FGF14: variants seen among roughly 807,000 people sequenced by gnomAD.
The protein encoded by FGF14 is fibroblast growth factor 14.
FGF14 carries 5 observed loss-of-function variants against 25.5 expected under a neutral mutation model. The ratio of observed to expected loss-of-function variants is 0.20; its 90% CI spans 0.10 to 0.41. The LOEUF (loss-of-function observed/expected upper bound fraction) is 0.41. FGF14 is among the 10% of genes least tolerant of loss of function. The pLI is 1.00. For missense variants in FGF14, 222 were observed against 320.1 expected, an observed-to-expected ratio of 0.69 and a Z score of 2.34; for synonymous variants, 138 against 118.3, an observed-to-expected ratio of 1.17 and a Z score of -1.08.
intron 1 of FGF14, among the ~76,000 whole-genome samples, chr13:102,202,706 T>C (rs1011249607): frequency 6.6e-6 from 1 of 152,238 alleles, no homozygotes; most frequent in African/African-American, 2.4e-5. Flanking sequence ...CTTAGAGTTA[T>C]TGTTTTTCAC....
intron 3 of FGF14, among the ~76,000 whole-genome samples, chr13:101,754,687 C>A (rs2037526762): frequency 6.6e-6 from 1 of 152,120 alleles, no homozygotes; most frequent in African/African-American, 2.4e-5. Flanking sequence ...CGAGATCACA[C>A]CACTGCACCC....
intron 1 of FGF14, among the ~76,000 whole-genome samples, chr13:102,164,026 T>C (rs559766509): frequency 9.2e-5 from 14 of 152,274 alleles, no homozygotes; most frequent in African/African-American, 3.1e-4. Flanking sequence ...CCATGTCCTT[T>C]CTCCCTGTTG....
chr13:101,926,844 T>C (rs1392932684), intron 1 of FGF14, among the ~76,000 whole-genome samples: 1 of 152,158 alleles, frequency 6.6e-6, no homozygotes, highest in African/African-American at 2.4e-5. Flanking sequence ...ATGAACTCCT[T>C]AGGTAAGAAT....
chr13:102,282,867 A>C lies in FGF14; in HGVS notation c.208+118604T>G, dbSNP rs553264182. ...AAGTCATGCAATTAAAAAAAAAAAA[A>C]AACCTCTCTAGCTTCTTTATGTCAA... On this transcript the variant is annotated intron_variant, in intron 1 of 4. Coordinates refer to the FGF14 transcript ENST00000376131. 2.6e-5 allele frequency among the ~76,000 whole-genome samples: 4 copies of C among 152,262 alleles called. No individual in the cohort carries two copies. In the South Asian group the frequency reaches 8.3e-4, roughly 32 times the overall value.
intron 3 of FGF14, among the ~76,000 whole-genome samples, chr13:101,800,701 G>A (rs1252939694): frequency 4.6e-5 from 7 of 152,186 alleles, no homozygotes; most frequent in African/African-American, 1.7e-4. Context: ...TGGCAAGACA[G>A]TCTGAGGAAG....
intron 1 of FGF14, among the ~76,000 whole-genome samples, chr13:102,272,669 T>C (rs1282775478): frequency 6.6e-6 from 1 of 152,158 alleles, no homozygotes; most frequent in Non-Finnish European, 1.5e-5. Context: ...GAAATGGTAG[T>C]CATTGTCATT....
At chr13:102,301,487 G>A (rs1307972214) in intron 1 of FGF14, among the ~76,000 whole-genome samples, 1 of 152,116 alleles carries the variant, frequency 6.6e-6, no homozygotes, top group East Asian at 1.9e-4. Context: ...TATTGGGGTA[G>A]GTAGATAAAA....
At chr13:102,064,450 G>A (rs1247030729) in intron 1 of FGF14, among the ~76,000 whole-genome samples, 1 of 151,960 alleles carries the variant, frequency 6.6e-6, no homozygotes, top group Non-Finnish European at 1.5e-5. Flanking sequence ...ACAACTTGGG[G>A]TCCTTCTCCA....
chr13:101,872,000 CTCT>C lies in FGF14; in HGVS notation c.305-3175_305-3173del, dbSNP rs547333759. 8.4e-3 allele frequency among the ~76,000 whole-genome samples: 1,281 copies of C among 152,028 alleles called. 10 individuals are homozygous for C. The highest frequency in any genetic ancestry group is 0.014 in the Admixed American group (206 of 15,242). On this transcript the variant is annotated intron_variant, in intron 2 of 4. Coordinates refer to ENST00000376143, the MANE Select transcript of FGF14 (RefSeq NM_004115.4). Reference sequence around the variant, plus strand: ...TTGCCTACCAGTGGGCCTTTTTCCCCTCTTCTTAATTCATCTGAAATTTTTAAC... The same window carrying C: ...TTGCCTACCAGTGGGCCTTTTTCCCCTCTTAATTCATCTGAAATTTTTAAC...
At chr13:102,252,000 T>C (rs2052199959) in intron 1 of FGF14, among the ~76,000 whole-genome samples, 1 of 152,200 alleles carries the variant, frequency 6.6e-6, no homozygotes, top group African/African-American at 2.4e-5. Context: ...ATTATGAGCA[T>C]AATGCTGTAC....
intron 1 of FGF14, among the ~76,000 whole-genome samples, chr13:102,070,194 T>C (rs2043097878): frequency 6.6e-6 from 1 of 152,200 alleles, no homozygotes. Context: ...AAAATTTGAA[T>C]AATCTGATTA....
At chr13:102,072,289 GA>G (rs1299809344) in intron 1 of FGF14, among the ~76,000 whole-genome samples, 2 of 152,040 alleles carry the variant, frequency 1.3e-5, no homozygotes, top group African/African-American at 4.8e-5. Flanking sequence ...TTGATTTACA[GA>G]ACAATCTTTA....
At chr13:101,884,661 T>C (rs1156506421) in intron 1 of FGF14, among the ~76,000 whole-genome samples, 1 of 152,112 alleles carries the variant, frequency 6.6e-6, no homozygotes, top group Non-Finnish European at 1.5e-5. Flanking sequence ...CACAAAGTAA[T>C]GCATTCCCTG....
intron 1 of FGF14, among the ~76,000 whole-genome samples, chr13:101,969,695 G>A (rs983668976): frequency 5.9e-5 from 9 of 152,052 alleles, no homozygotes; most frequent in African/African-American, 1.9e-4. Context: ...TTAAATTTTG[G>A]CTTATGTTAC....
At chr13:101,907,837 T>C (rs917833781) in intron 1 of FGF14, among the ~76,000 whole-genome samples, 2 of 152,054 alleles carry the variant, frequency 1.3e-5, no homozygotes, top group Non-Finnish European at 2.9e-5. Flanking sequence ...AATTATTGGA[T>C]TGATTTCCCT....
chr13:102,019,556 C>T (rs1595011937), intron 1 of FGF14, among the ~76,000 whole-genome samples: 1 of 152,140 alleles, frequency 6.6e-6, no homozygotes, highest in East Asian at 1.9e-4. Context: ...TGCTTAAATT[C>T]CCATAAGCAG....
chr13:101,764,434 G>A (rs1395325145), intron 3 of FGF14, among the ~76,000 whole-genome samples: 1 of 152,150 alleles, frequency 6.6e-6, no homozygotes, highest in African/African-American at 2.4e-5. Context: ...TGAATGTGAT[G>A]GAAAATTGAA....
At chr13:101,971,857 T>C (rs1166501814) in intron 1 of FGF14, among the ~76,000 whole-genome samples, 1 of 152,218 alleles carries the variant, frequency 6.6e-6, no homozygotes, top group Non-Finnish European at 1.5e-5. Flanking sequence ...AAGTTAGTAA[T>C]AACACAGTGC....
rs540012267 is a variant in FGF14, at chr13:101,826,418, C to A, written c.408+42307G>T. On this transcript the variant is annotated intron_variant, in intron 3 of 4. Transcript: ENST00000376143. ...AAATTTTGAGTAGACCGATCAGACA[C>A]AAATAACCAATGAAATAGCTATCCC... Among the ~76,000 whole-genome samples, 3 of 152,108 alleles carry A rather than the reference C, an allele frequency of 2.0e-5. No individual in the cohort carries two copies. The South Asian group carries it at 6.2e-4, about 32-fold the overall frequency.
Sources: gnomAD v4.1 joint callset for allele counts (sites outside exome capture counted in the v4.1 genomes callset) on GRCh38, gnomAD v4.1.1 for gene constraint, MANE v1.5 for transcripts, NCBI Gene and HGNC (gene_info 2026-07-23, HGNC 2026-07-21) for gene names.